NRG1: variants seen among roughly 807,000 people sequenced by gnomAD.
NRG1 encodes pro-neuregulin-1, membrane-bound isoform.
Under a neutral mutation model 63.8 loss-of-function variants are expected in NRG1, and 18 were observed. The observed-to-expected ratio is 0.28, with a 90% CI of 0.19 to 0.42. NRG1 has a LOEUF of 0.42. Among genes scored for constraint, NRG1 ranks in the 10% least tolerant of loss-of-function variants. The pLI is 1.00. For synonymous variants in NRG1, 302 were observed against 301.3 expected, an observed-to-expected ratio of 1.00 and a Z score of -0.02; for missense variants, 762 against 814.7, an observed-to-expected ratio of 0.94 and a Z score of 0.79.
At chr8:32,414,855 G>T (rs1179409200) in intron 1 of NRG1, among the ~76,000 whole-genome samples, 1 of 152,104 alleles carries the variant, frequency 6.6e-6, no homozygotes, top group African/African-American at 2.4e-5. Context: ...TTGAATCTAG[G>T]TTTAGGAGTC....
intron 1 of NRG1, among the ~76,000 whole-genome samples, chr8:32,566,916 C>T (rs995957728): frequency 1.4e-4 from 22 of 152,228 alleles, no homozygotes; most frequent in Admixed American, 3.3e-4. Flanking sequence ...TGCAGTGGCG[C>T]GATCTCAGCT....
chr8:32,594,317 A>G (rs548747819), intron 1 of NRG1, among the ~76,000 whole-genome samples: 6 of 152,266 alleles, frequency 3.9e-5, no homozygotes, highest in African/African-American at 1.2e-4. Context: ...TTTCTGTTTA[A>G]CATTCCTGAA....
intron 5 of NRG1, 44 bp from the exon 6 acceptor site, chr8:32,727,905 G>GA: frequency 1.8e-5 from 28 of 1,595,180 alleles, no homozygotes; most frequent in Non-Finnish European, 1.9e-5. Context: ...TTAGAAGGGG[G>GA]AAAAAAAGTC....
intron 1 of NRG1, among the ~76,000 whole-genome samples, chr8:32,218,402 G>T (rs1007936531): frequency 6.6e-6 from 1 of 152,124 alleles, no homozygotes; most frequent in African/African-American, 2.4e-5. Flanking sequence ...CTACCACGTG[G>T]CATCACGGGG....
intron 1 of NRG1, among the ~76,000 whole-genome samples, chr8:32,466,797 TTTAAA>T (rs1200518917): frequency 3.3e-5 from 5 of 152,158 alleles, no homozygotes; most frequent in Non-Finnish European, 5.9e-5. Context: ...TGATTTTCTC[TTTAAA>T]TCAGAAGTAT....
chr8:31,733,875 C>A (rs1814376142), intron 1 of NRG1, among the ~76,000 whole-genome samples: 1 of 152,156 alleles, frequency 6.6e-6, no homozygotes, highest in African/African-American at 2.4e-5. Context: ...GTTTTCCATT[C>A]CGAAAGATAT....
At chr8:32,265,086 C>T (rs1014086807) in intron 1 of NRG1, among the ~76,000 whole-genome samples, 4 of 152,106 alleles carry the variant, frequency 2.6e-5, no homozygotes, top group African/African-American at 9.7e-5. Context: ...GCCTGTAATC[C>T]AAGCACTGTG....
chr8:32,711,472 C>T (rs1347207416), intron 5 of NRG1, among the ~76,000 whole-genome samples: 2 of 152,038 alleles, frequency 1.3e-5, no homozygotes, highest in African/African-American at 4.8e-5. Context: ...CTTTACAATG[C>T]CTAGCTAACA....
At chr8:32,261,351 T>G (rs1850343090) in intron 1 of NRG1, among the ~76,000 whole-genome samples, 1 of 134,710 alleles carries the variant, frequency 7.4e-6, no homozygotes, top group African/African-American at 2.9e-5. Flanking sequence ...CTACCTATGC[T>G]CCTATTAGTG....
intron 1 of NRG1, among the ~76,000 whole-genome samples, chr8:31,888,908 C>G (rs1201957617): frequency 1.3e-5 from 2 of 152,040 alleles, no homozygotes; most frequent in African/African-American, 4.8e-5. Flanking sequence ...TTAGAAAACC[C>G]TAAAGCTCTG....
intron 1 of NRG1, among the ~76,000 whole-genome samples, chr8:32,211,021 G>A (rs1844653498): frequency 6.6e-6 from 1 of 152,058 alleles, no homozygotes. Context: ...AAACATGAAA[G>A]CAATACAAAA....
In NRG1 at chr8:31,640,822, G is replaced by A; in HGVS notation, c.37+1391G>A. 7.1e-7 allele frequency: 1 copy of A among 1,416,636 alleles called. No individual in the cohort carries two copies. 87.8% of individuals were successfully genotyped at this position (1,416,636 alleles called of 1,614,324 possible). A position where few individuals can be genotyped will look rare whatever the true frequency, so the allele number is the denominator to read the frequency against. Reference sequence around the variant, plus strand: ...GGGGCTCGACGGCCGCCCGAGCAAGGCAGAGGCGCTCTGGGTCCCAGTTGT... The same window carrying A: ...GGGGCTCGACGGCCGCCCGAGCAAGACAGAGGCGCTCTGGGTCCCAGTTGT... On this transcript the variant is annotated intron_variant, in intron 1 of 10. Transcript: ENST00000519301. This position sits in a 1 kb window ranked among gnomAD's most constrained non-coding sequence, Gnocchi z 6.3.
intron 1 of NRG1, among the ~76,000 whole-genome samples, chr8:31,930,276 T>C (rs1484361527): frequency 6.6e-6 from 1 of 152,318 alleles, no homozygotes; most frequent in Admixed American, 6.5e-5. Context: ...AAATGTATTA[T>C]CTATTGAAAA....
intron 1 of NRG1, among the ~76,000 whole-genome samples, chr8:32,271,025 A>G (rs1851488946): frequency 1.3e-5 from 2 of 152,160 alleles, no homozygotes; most frequent in Non-Finnish European, 2.9e-5. Context: ...AAAATATAAA[A>G]TAGATGAAAA....
chr8:32,105,161 T>A (rs1056748230), intron 1 of NRG1, among the ~76,000 whole-genome samples: 4 of 152,100 alleles, frequency 2.6e-5, no homozygotes, highest in Non-Finnish European at 4.4e-5. Flanking sequence ...TGATAGAAAT[T>A]TTTTAGCTCT....
At chr8:31,905,891 T>G (rs1239464552) in intron 1 of NRG1, among the ~76,000 whole-genome samples, 1 of 152,194 alleles carries the variant, frequency 6.6e-6, no homozygotes, top group Admixed American at 6.5e-5. Flanking sequence ...CTTGGAAAAT[T>G]TGCAGAGAAA....
At chr8:32,260,489 G>A (rs982493960) in intron 1 of NRG1, among the ~76,000 whole-genome samples, 3 of 152,154 alleles carry the variant, frequency 2.0e-5, no homozygotes, top group Non-Finnish European at 4.4e-5. Flanking sequence ...TTTTGCTCCT[G>A]ACATTCTCCC....
At chr8:32,245,000 G>A (rs1014576680) in intron 1 of NRG1, among the ~76,000 whole-genome samples, 2 of 152,102 alleles carry the variant, frequency 1.3e-5, no homozygotes, top group East Asian at 3.9e-4. Flanking sequence ...CTTGAAGCTA[G>A]GATGTCAATG....
chr8:32,248,013 C>A (rs1848750857), intron 1 of NRG1, among the ~76,000 whole-genome samples: 1 of 152,076 alleles, frequency 6.6e-6, no homozygotes, highest in Non-Finnish European at 1.5e-5. Flanking sequence ...CTAGCACTGA[C>A]CACAGCAAAG....
Sources: gnomAD v4.1 joint callset for allele counts (sites outside exome capture counted in the v4.1 genomes callset) on GRCh38, gnomAD v4.1.1 for gene constraint, Gnocchi (gnomAD v3.1) non-coding constraint, MANE v1.5 for transcripts, NCBI Gene and HGNC (gene_info 2026-07-23, HGNC 2026-07-21) for gene names.